COL13A1: variants seen among roughly 807,000 people sequenced by gnomAD.
COL13A1 encodes collagen alpha-1(XIII) chain.
COL13A1 carries 89 observed loss-of-function variants against 130.9 expected under a neutral mutation model. The observed-to-expected ratio is 0.68, with a 90% CI of 0.57 to 0.81. The LOEUF is 0.81. Ranked by LOEUF, COL13A1 falls within the 30% of genes least tolerant of loss-of-function variation. The pLI, the probability that COL13A1 is intolerant of heterozygous loss-of-function variation, is 0.00. For missense variants in COL13A1, 879 were observed against 934.6 expected (o/e 0.94, Z 0.78); for synonymous variants, 402 against 341.6 (o/e 1.18, Z -1.95).
chr10:69,810,792 G>A (rs1480622172), intron 1 of COL13A1, among the ~76,000 whole-genome samples: 3 of 152,204 alleles, frequency 2.0e-5, no homozygotes, highest in African/African-American at 7.2e-5. Flanking sequence ...CCACTGGCAG[G>A]CCCCAGCAGC....
chr10:69,829,360 C>G, intron 2 of COL13A1: 1 of 686,334 alleles, frequency 1.5e-6, no homozygotes, highest in Non-Finnish European at 1.8e-6. Context: ...TAGGATAAAG[C>G]CCTAAATCCC....
chr10:69,859,250 C>T (rs1490103646), intron 2 of COL13A1, among the ~76,000 whole-genome samples: 2 of 152,090 alleles, frequency 1.3e-5, no homozygotes, highest in African/African-American at 4.8e-5. Context: ...GCGGGTTTTG[C>T]CATTCCTTTT....
chr10:69,818,461 G>C (rs2132495838), intron 1 of COL13A1, among the ~76,000 whole-genome samples: 1 of 152,340 alleles, frequency 6.6e-6, no homozygotes, highest in East Asian at 1.9e-4. Context: ...TATTAGTCAT[G>C]GTTCTCCAGA....
chr10:69,820,380 A>T (rs1247517774), intron 1 of COL13A1, among the ~76,000 whole-genome samples: 1 of 152,200 alleles, frequency 6.6e-6, no homozygotes, highest in Non-Finnish European at 1.5e-5. Context: ...CCTTTAGCCA[A>T]AATGCTGCCA....
intron 1 of COL13A1, among the ~76,000 whole-genome samples, chr10:69,816,444 A>G (rs1013539160): frequency 2.6e-5 from 4 of 151,768 alleles, no homozygotes; most frequent in Admixed American, 2.0e-4. Context: ...GCCAGCAGCC[A>G]GATAGATGCA....
At chr10:69,891,164 C>T (rs1370100123) in intron 10 of COL13A1, among the ~76,000 whole-genome samples, 1 of 152,182 alleles carries the variant, frequency 6.6e-6, no homozygotes, top group Non-Finnish European at 1.5e-5. Flanking sequence ...GGGAGACATC[C>T]TTTTAAATGA....
rs777425586 is a variant in COL13A1, at chr10:69,894,614, G to A, written c.630+36G>A. 1.9e-6 allele frequency: 3 copies of A among 1,614,024 alleles called. No homozygotes were observed. The South Asian group carries it at 3.3e-5, about 18-fold the overall frequency. On this transcript the variant is annotated intron_variant, in intron 11 of 40. Coordinates refer to ENST00000645393, the MANE Select transcript of COL13A1 (RefSeq NM_001368882.1). The stretch of plus-strand genomic sequence containing the variant: ...CATCCATCTATTTCCCAGCAGAGAA[G>A]CTTCCGGTGGCTGTGACCTTAGCTT...
chr10:69,936,724 T>C (rs746091675), intron 32 of COL13A1, 32 bp from the exon 33 acceptor site: 1 of 1,613,594 alleles, frequency 6.2e-7, no homozygotes, highest in South Asian at 1.1e-5. Context: ...AGAGATGCAG[T>C]TCTAATGCAC....
chr10:69,864,778 G>A (rs993558287), intron 2 of COL13A1, among the ~76,000 whole-genome samples: 3 of 152,172 alleles, frequency 2.0e-5, no homozygotes, highest in South Asian at 2.1e-4. Context: ...AAACCCCGGC[G>A]GAGAACGGTA....
intron 10 of COL13A1, among the ~76,000 whole-genome samples, chr10:69,893,778 G>A (rs138513553): frequency 4.6e-5 from 7 of 152,294 alleles, no homozygotes; most frequent in Non-Finnish European, 7.4e-5. Context: ...CACCTCACTC[G>A]GGAGCTGGAG....
chr10:69,838,396 C>G (rs578074460), intron 2 of COL13A1, among the ~76,000 whole-genome samples: 7 of 152,236 alleles, frequency 4.6e-5, no homozygotes, highest in Non-Finnish European at 1.0e-4. Flanking sequence ...GACTTGACAT[C>G]TCTGAGCTGC....
chr10:69,897,614 G>A, intron 13 of COL13A1: 1 of 1,489,876 alleles, frequency 6.7e-7, no homozygotes, highest in Non-Finnish European at 9.3e-7. Flanking sequence ...ACATCCCCAG[G>A]CCCCGGCAGT....
At chr10:69,874,239 G>A (rs2059368001) in intron 4 of COL13A1, among the ~76,000 whole-genome samples, 1 of 152,186 alleles carries the variant, frequency 6.6e-6, no homozygotes, top group Non-Finnish European at 1.5e-5. Flanking sequence ...TCAAGGCATT[G>A]TGCCTCAGTG....
chr10:69,837,732 G>A (rs1850482233), intron 2 of COL13A1, among the ~76,000 whole-genome samples: 1 of 152,216 alleles, frequency 6.6e-6, no homozygotes, highest in African/African-American at 2.4e-5. Context: ...TGTCCCCCTT[G>A]TGGAGTGGCC....
chr10:69,881,875 C>T (rs1039070692), intron 7 of COL13A1, among the ~76,000 whole-genome samples: 1 of 152,186 alleles, frequency 6.6e-6, no homozygotes, highest in Non-Finnish European at 1.5e-5. Flanking sequence ...AGTGACTTGC[C>T]CAGAGCCATA....
chr10:69,825,659 G>T (rs1259039729), intron 2 of COL13A1, among the ~76,000 whole-genome samples: 1 of 152,198 alleles, frequency 6.6e-6, no homozygotes, highest in Non-Finnish European at 1.5e-5. Context: ...TCCTCAAAGT[G>T]GTGCCTGCCC....
chr10:69,907,176 AC>A (rs1000724157), intron 17 of COL13A1, among the ~76,000 whole-genome samples: 8 of 152,208 alleles, frequency 5.3e-5, no homozygotes, highest in Admixed American at 2.0e-4. Context: ...GGTAGTCACT[AC>A]TTACTGAACA....
intron 1 of COL13A1, among the ~76,000 whole-genome samples, chr10:69,821,033 AC>A (rs1845945456): frequency 1.3e-5 from 2 of 152,044 alleles, no homozygotes; most frequent in South Asian, 4.1e-4. Context: ...GCAAAATTTC[AC>A]AGTAGTGAGG....
chr10:69,822,190 G>A (rs991155063), intron 1 of COL13A1, among the ~76,000 whole-genome samples, 179 bp from the exon 2 acceptor site: 2 of 152,188 alleles, frequency 1.3e-5, no homozygotes, highest in African/African-American at 4.8e-5. Flanking sequence ...TTTCTTGTCT[G>A]CTTGTTATTA....
Sources: gnomAD v4.1 joint callset for allele counts (sites outside exome capture counted in the v4.1 genomes callset) on GRCh38, gnomAD v4.1.1 for gene constraint, MANE v1.5 for transcripts, NCBI Gene and HGNC (gene_info 2026-07-23, HGNC 2026-07-21) for gene names.